LMX1B: variants seen among roughly 807,000 people sequenced by gnomAD.
The protein encoded by LMX1B is LIM homeobox transcription factor 1-beta.
In LMX1B, 12 loss-of-function variants were observed where a neutral mutation model predicts 51.4. The observed-to-expected ratio is 0.23, with a 90% CI of 0.15 to 0.38. The LOEUF is 0.38. Ranked by LOEUF, LMX1B falls within the 10% of genes least tolerant of loss-of-function variation. The probability of loss-of-function intolerance (pLI) is 1.00; values close to 1 mark genes in which losing one functional copy is unlikely to be tolerated. For synonymous variants in LMX1B, 237 were observed against 235.4 expected, an observed-to-expected ratio of 1.01 and a Z score of -0.06; for missense variants, 445 against 571.1, an observed-to-expected ratio of 0.78 and a Z score of 2.25.
chr9:126,652,888 C>A (rs114533384), intron 2 of LMX1B, among the ~76,000 whole-genome samples: 15 of 152,022 alleles, frequency 9.9e-5, no homozygotes, highest in Non-Finnish European at 1.9e-4. Context: ...GTAGCCCCAG[C>A]GGGTGTTGAT....
At chr9:126,686,484 G>A (rs1442772192) in intron 2 of LMX1B, among the ~76,000 whole-genome samples, 2 of 152,162 alleles carry the variant, frequency 1.3e-5, no homozygotes, top group Non-Finnish European at 2.9e-5. Context: ...CCTGAAAATG[G>A]AATTTCTTAC....
At chr9:126,637,844 C>G (rs949787054) in intron 2 of LMX1B, among the ~76,000 whole-genome samples, 1 of 139,080 alleles carries the variant, frequency 7.2e-6, no homozygotes, top group African/African-American at 2.7e-5. Context: ...GCCCCCCGCT[C>G]TCTGTACTGG....
Position 126,700,420 on chromosome 9 carries a change from T to TC in LMX1B, c.*3971dup. The TC allele has an allele frequency of 6.6e-6, 1 of 152,262 alleles. No individual in the cohort carries two copies. The highest frequency in any genetic ancestry group is 1.5e-5 in the Non-Finnish European group (1 of 68,108). 9.4% of individuals were successfully genotyped at this position (152,262 alleles called of 1,614,324 possible). ...TCCCCACTCTGCCCCCATCTGAATGTCCTTTTCATGTTGCACGCAGGGAAC... is the reference window on the plus strand; with the variant it reads ...TCCCCACTCTGCCCCCATCTGAATGTCCCTTTTCATGTTGCACGCAGGGAAC... On this transcript the variant is annotated 3_prime_UTR_variant, in exon 8 of 8. Coordinates refer to ENST00000373474, the MANE Select transcript of LMX1B (RefSeq NM_001174147.2).
At position 126,700,650 on chromosome 9, in the gene LMX1B, GC is replaced by G. The variant is rs1293395645; in HGVS notation, c.*4201del. 2.0e-5 allele frequency: 3 copies of G among 152,264 alleles called. No individual in the cohort carries two copies. Among genetic ancestry groups the G allele is most frequent in the Non-Finnish European group, 4.4e-5 (3 of 68,088 alleles). The allele number at this position is 152,264 out of a possible 1,614,324, so 9.4% of individuals were successfully genotyped here. A position where few individuals can be genotyped will look rare whatever the true frequency, so the allele number is the denominator to read the frequency against. On this transcript the variant is annotated 3_prime_UTR_variant, in exon 8 of 8. Coordinates refer to ENST00000373474, the MANE Select transcript of LMX1B (RefSeq NM_001174147.2). ...GGACCCATACTCACAGGCACATGTG[GC>G]CTGGGGACTGGGGGAGCAGGAAAGA...
At chr9:126,645,141 G>C (rs1835876837) in intron 2 of LMX1B, among the ~76,000 whole-genome samples, 1 of 152,180 alleles carries the variant, frequency 6.6e-6, no homozygotes, top group Admixed American at 6.5e-5. Context: ...CGCCCCACTG[G>C]AGGTCCATGT....
intron 2 of LMX1B, among the ~76,000 whole-genome samples, chr9:126,631,134 G>A (rs542348389): frequency 1.3e-5 from 2 of 152,376 alleles, no homozygotes; most frequent in South Asian, 4.1e-4. Context: ...ACAGACCCCT[G>A]GAGGAGGATG....
In LMX1B at chr9:126,614,087, C is replaced by T. The variant is rs1045649310; in HGVS notation, c.-363C>T. Among the ~76,000 whole-genome samples the T allele has an allele frequency of 1.4e-4, 20 of 140,704 alleles. No individual in the cohort carries two copies. Among genetic ancestry groups the T allele is most frequent in the Admixed American group, 7.6e-4 (11 of 14,428 alleles). The allele number at this position is 140,704 out of a possible 152,430, so 92.3% of individuals were successfully genotyped here. On this transcript the variant is annotated 5_prime_UTR_variant, in exon 1 of 8. Coordinates refer to ENST00000373474, the MANE Select transcript of LMX1B (RefSeq NM_001174147.2). ...GCGGGGCCGCCCCTGCACCCCCACC[C>T]CCTCCCCCGCCTGCCGCCGCCGCCA...
intron 2 of LMX1B, among the ~76,000 whole-genome samples, chr9:126,657,482 A>T (rs1051503815): frequency 2.6e-5 from 4 of 152,174 alleles, no homozygotes; most frequent in African/African-American, 9.7e-5. Context: ...GGATCACCTT[A>T]TCCTTGGGAG....
rs181518666 is a variant in LMX1B at position 126,629,697 on chromosome 9, G to A, written c.326+14128G>A. ...AAGCTTTGATGGGGATTCACTCACT[G>A]AATCTTCTTACTGCTCTGGGGGCAG... is the stretch of plus-strand genomic sequence containing the variant. On this transcript the variant is annotated intron_variant, in intron 2 of 7. Transcript: ENST00000373474. 1.8e-4 allele frequency among the ~76,000 whole-genome samples: 28 copies of A among 152,254 alleles called. No individual in the cohort carries two copies. In the East Asian group the frequency reaches 5.4e-3, roughly 29 times the overall value.
At chr9:126,644,776 A>C (rs1369383667) in intron 2 of LMX1B, among the ~76,000 whole-genome samples, 2 of 152,076 alleles carry the variant, frequency 1.3e-5, no homozygotes, top group African/African-American at 4.8e-5. Flanking sequence ...CAGGGTATGT[A>C]GTCGGGGGTT....
chr9:126,639,176 AGAGACAGT>A (rs1340072222), intron 2 of LMX1B, among the ~76,000 whole-genome samples: 1 of 151,394 alleles, frequency 6.6e-6, no homozygotes, highest in Non-Finnish European at 1.5e-5. Flanking sequence ...GAGGGGAGGG[AGAGACAGT>A]GAGGCAGGGG....
In LMX1B at chr9:126,677,200, C is replaced by T. The variant is rs1044497292; in HGVS notation, c.327-13636C>T. 1.3e-5 allele frequency among the ~76,000 whole-genome samples: 2 copies of T among 152,196 alleles called. No individual in the cohort carries two copies. The highest frequency in any genetic ancestry group is 4.8e-5 in the African/African-American group (2 of 41,442). On this transcript the variant is annotated intron_variant, in intron 2 of 7. Coordinates refer to ENST00000373474, the MANE Select transcript of LMX1B (RefSeq NM_001174147.2). This position sits in a 1 kb window ranked among gnomAD's most constrained non-coding sequence, Gnocchi z 5.0. ...GATGTGGTCCCCCAGATTCTCTTCT[C>T]CATCCCTGGGAGAGGGTCCCCATCT...
chr9:126,683,646 A>G (rs1742975989), intron 2 of LMX1B, among the ~76,000 whole-genome samples: 2 of 152,194 alleles, frequency 1.3e-5, no homozygotes, highest in Admixed American at 1.3e-4. Context: ...CTGAGCGCTT[A>G]CTGTCCGACA....
At position 126,676,531 on chromosome 9, in the gene LMX1B, G is replaced by T. The variant is rs545807327; in HGVS notation, c.327-14305G>T. ...GGACGTGCCCACCTGGCCTTTGAAG[G>T]ATGAGAAGCATTTTGCCAGACTCAC... On this transcript the variant is annotated intron_variant, in intron 2 of 7. Coordinates refer to ENST00000373474, the MANE Select transcript of LMX1B (RefSeq NM_001174147.2). Among the ~76,000 whole-genome samples, 10 of 152,354 alleles carry T rather than the reference G, an allele frequency of 6.6e-5. No homozygotes were observed. The South Asian group carries it at 2.1e-3, about 32-fold the overall frequency.
chr9:126,676,223 T>C (rs1836559072), intron 2 of LMX1B, among the ~76,000 whole-genome samples: 1 of 152,138 alleles, frequency 6.6e-6, no homozygotes, highest in Non-Finnish European at 1.5e-5. Context: ...GCACACAGTG[T>C]TTCTCTCCTG....
At chr9:126,688,486 C>T (rs2029991789) in intron 2 of LMX1B, among the ~76,000 whole-genome samples, 1 of 152,202 alleles carries the variant, frequency 6.6e-6, no homozygotes, top group Non-Finnish European at 1.5e-5. Flanking sequence ...CTTAGTGTGG[C>T]CACTAGGTCA....
intron 2 of LMX1B, among the ~76,000 whole-genome samples, chr9:126,661,174 G>A (rs1836235133): frequency 1.3e-5 from 2 of 152,232 alleles, no homozygotes; most frequent in African/African-American, 4.8e-5. Flanking sequence ...CCTGACACAG[G>A]GCGACCCCTC....
chr9:126,663,201 C>A (rs777212920), intron 2 of LMX1B, among the ~76,000 whole-genome samples: 1 of 102,182 alleles, frequency 9.8e-6, no homozygotes, highest in Non-Finnish European at 2.2e-5. Context: ...TTGAGGCGGG[C>A]GGATCACTTG....
chr9:126,665,166 C>T (rs1350803731), intron 2 of LMX1B, among the ~76,000 whole-genome samples: 1 of 152,238 alleles, frequency 6.6e-6, no homozygotes, highest in Non-Finnish European at 1.5e-5. Context: ...CATGCCTTCG[C>T]GCCTCTCTGG....
Sources: gnomAD v4.1 joint callset for allele counts (sites outside exome capture counted in the v4.1 genomes callset) on GRCh38, gnomAD v4.1.1 for gene constraint, Gnocchi (gnomAD v3.1) non-coding constraint, MANE v1.5 for transcripts, NCBI Gene and HGNC (gene_info 2026-07-23, HGNC 2026-07-21) for gene names.